Variants in NUP210L observed in about 807,000 individuals in gnomAD.
NUP210L encodes the protein nuclear pore membrane glycoprotein 210-like.
Under a neutral mutation model 208.5 loss-of-function variants are expected in NUP210L, and 74 were observed. The observed-to-expected ratio is 0.35, with a 90% CI of 0.29 to 0.43. NUP210L has a LOEUF of 0.43. Ranked by LOEUF, NUP210L falls within the 20% of genes least tolerant of loss-of-function variation. The pLI is 1.00. For synonymous variants in NUP210L, 780 were observed against 816.9 expected, an observed-to-expected ratio of 0.95 and a Z score of 0.77; for missense variants, 1,843 against 2,289.4, an observed-to-expected ratio of 0.81 and a Z score of 3.98.
chr1:154,065,106 A>AAAATG (rs1654334278), intron 17 of NUP210L, among the ~76,000 whole-genome samples: 1 of 147,626 alleles, frequency 6.8e-6, no homozygotes, highest in Non-Finnish European at 1.5e-5. Context: ...AAAATAAAAT[A>AAAATG]AAATAAAATA....
intron 27 of NUP210L, among the ~76,000 whole-genome samples, chr1:154,031,706 G>A (rs1256261682): frequency 6.6e-6 from 1 of 151,088 alleles, no homozygotes. Flanking sequence ...TGTTGCACAT[G>A]ACAGGATCAC....
exon 14 of NUP210L, chr1:154,100,058 C>T (rs767119497): frequency 1.2e-6 from 2 of 1,614,024 alleles, no homozygotes; most frequent in South Asian, 1.1e-5. Context: ...CACATTCATT[C>T]ACACTTACTG....
At chr1:154,056,675 C>A (rs1653885409) in intron 23 of NUP210L, 140 bp downstream of exon 23, 1 of 754,292 alleles carries the variant, frequency 1.3e-6, no homozygotes, top group East Asian at 3.1e-5. Context: ...CCCACCTCAG[C>A]CTCCCAAAGT....
chr1:154,088,600 A>C (rs2148043555), intron 16 of NUP210L, among the ~76,000 whole-genome samples: 1 of 152,320 alleles, frequency 6.6e-6, no homozygotes, highest in African/African-American at 2.4e-5. Flanking sequence ...TCTGACTCAA[A>C]AAAATGGGTT....
intron 33 of NUP210L, among the ~76,000 whole-genome samples, chr1:154,013,785 G>T (rs957791980): frequency 6.6e-6 from 1 of 152,074 alleles, no homozygotes; most frequent in Admixed American, 6.6e-5. Flanking sequence ...TTTGTTTTGA[G>T]ACGGAGTCTT....
At chr1:154,103,100 T>A (rs904685074) in intron 13 of NUP210L, among the ~76,000 whole-genome samples, 35 of 149,458 alleles carry the variant, frequency 2.3e-4, no homozygotes, top group African/African-American at 8.1e-4. Context: ...ATAATAATAA[T>A]AAATAAAAAC....
chr1:154,040,776 A>G (rs944165072), intron 27 of NUP210L, among the ~76,000 whole-genome samples: 31 of 151,952 alleles, frequency 2.0e-4, no homozygotes, highest in Non-Finnish European at 4.4e-5. Context: ...TGTTTTTACT[A>G]GAGGTGGGGT....
At chr1:153,993,047 A>C in exon 39 of NUP210L, 1 of 1,613,886 alleles carries the variant, frequency 6.2e-7, no homozygotes, top group Non-Finnish European at 8.5e-7. Context: ...TGGTACATAC[A>C]CAACTGGAAC....
At chr1:154,106,835 G>A (rs1337389622) in intron 12 of NUP210L, among the ~76,000 whole-genome samples, 2 of 152,238 alleles carry the variant, frequency 1.3e-5, no homozygotes, top group South Asian at 2.1e-4. Context: ...GATATGTACT[G>A]CAGTGACCAA....
chr1:154,024,922 G>GTTTTTTTTTTTTTTTTTTTTTTTTTTTT (rs71096508), intron 30 of NUP210L, among the ~76,000 whole-genome samples: 1 of 83,688 alleles, frequency 1.2e-5, no homozygotes, highest in Admixed American at 1.4e-4. Flanking sequence ...AGGCTGATCT[G>GTTTTTTTTTTTTTTTTTTTTTTTTTTTT]TTTTTTTTTT....
intron 16 of NUP210L, among the ~76,000 whole-genome samples, chr1:154,072,599 T>C (rs910354267): frequency 6.6e-6 from 1 of 152,104 alleles, no homozygotes; most frequent in African/African-American, 2.4e-5. Flanking sequence ...CCCAAAGTGT[T>C]GGGATTACAG....
exon 31 of NUP210L, chr1:154,023,135 G>C (rs1382615632): frequency 6.2e-7 from 1 of 1,613,864 alleles, no homozygotes; most frequent in African/African-American, 1.3e-5. Context: ...TTCAGAGCCA[G>C]ATAAAGCTGG....
intron 17 of NUP210L, among the ~76,000 whole-genome samples, chr1:154,064,052 A>C (rs1461348914): frequency 1.3e-5 from 2 of 150,672 alleles, no homozygotes; most frequent in Non-Finnish European, 3.0e-5. Flanking sequence ...AAATATATTA[A>C]ATAATATTTT....
chr1:154,066,526 G>T (rs1181637441), intron 17 of NUP210L, among the ~76,000 whole-genome samples: 1 of 152,208 alleles, frequency 6.6e-6, no homozygotes, highest in African/African-American at 2.4e-5. Context: ...CAGGAGAATG[G>T]TATGAACCCG....
intron 6 of NUP210L, among the ~76,000 whole-genome samples, chr1:154,136,744 C>A (rs1658566101): frequency 6.6e-6 from 1 of 150,446 alleles, no homozygotes; most frequent in Non-Finnish European, 1.5e-5. Context: ...CATGGTGAAA[C>A]CCCATCTCTA....
At chr1:154,124,999 A>G (rs1389248456) in intron 10 of NUP210L, among the ~76,000 whole-genome samples, 1 of 151,612 alleles carries the variant, frequency 6.6e-6, no homozygotes, top group Non-Finnish European at 1.5e-5. Flanking sequence ...TGACACATGG[A>G]AATGTGCATA....
exon 32 of NUP210L, chr1:154,022,313 A>C (rs767957235): frequency 1.9e-5 from 31 of 1,614,038 alleles, no homozygotes; most frequent in Non-Finnish European, 2.6e-5. Flanking sequence ...TATAGTTCTT[A>C]TTCCCTGGTC....
chr1:154,010,695 A>AC (rs1650856072), intron 34 of NUP210L, among the ~76,000 whole-genome samples: 1 of 151,712 alleles, frequency 6.6e-6, no homozygotes, highest in African/African-American at 2.4e-5. Context: ...ACATGGAGAA[A>AC]CCCCGTCTCT....
chr1:154,075,580 C>CA (rs142321397), intron 16 of NUP210L, among the ~76,000 whole-genome samples: 1 of 151,732 alleles, frequency 6.6e-6, no homozygotes. Flanking sequence ...TCAGCAAAAA[C>CA]AAAAAACAAA....
Sources: gnomAD v4.1 joint callset for allele counts (sites outside exome capture counted in the v4.1 genomes callset) on GRCh38, gnomAD v4.1.1 for gene constraint, MANE v1.5 for transcripts, NCBI Gene and HGNC (gene_info 2026-07-23, HGNC 2026-07-21) for gene names.